SYNPR: variants seen among roughly 807,000 people sequenced by gnomAD.
SYNPR encodes synaptoporin.
Under a neutral mutation model 32.9 loss-of-function variants are expected in SYNPR, and 23 were observed. The observed-to-expected ratio is 0.70, with a 90% CI of 0.50 to 0.99. The LOEUF (loss-of-function observed/expected upper bound fraction) is 0.99, where lower values mean the gene tolerates loss of function less well. SYNPR is among the 50% of genes least tolerant of loss of function. The pLI is 0.00. For missense variants in SYNPR, 318 were observed against 349.3 expected, an observed-to-expected ratio of 0.91 and a Z score of 0.71; for synonymous variants, 146 against 135.9, an observed-to-expected ratio of 1.07 and a Z score of -0.52.
At chr3:63,313,644 C>T (rs113942571) in intron 2 of SYNPR, among the ~76,000 whole-genome samples, 29,350 of 88,792 alleles carry the variant, frequency 0.33, 7,057 homozygotes, top group Middle Eastern at 0.42. Context: ...TGAAATACTA[C>T]GCAGCCATAA....
chr3:63,607,564 A>G (rs1174945714), intron 4 of SYNPR, among the ~76,000 whole-genome samples: 1 of 152,246 alleles, frequency 6.6e-6, no homozygotes, highest in Non-Finnish European at 1.5e-5. Context: ...AGTAAAAAGA[A>G]GAAAGGGAAT....
intron 2 of SYNPR, among the ~76,000 whole-genome samples, chr3:63,258,181 G>A (rs1017331184): frequency 1.3e-5 from 2 of 152,100 alleles, no homozygotes; most frequent in Admixed American, 1.3e-4. Flanking sequence ...AAGTTAACAA[G>A]GATATCCAGG....
At chr3:63,373,388 T>C (rs2087844759) in intron 2 of SYNPR, among the ~76,000 whole-genome samples, 1 of 152,110 alleles carries the variant, frequency 6.6e-6, no homozygotes, top group Non-Finnish European at 1.5e-5. Context: ...AGAACCAAAC[T>C]GATCTGATAC....
At position 63,404,724 on chromosome 3, in the gene SYNPR, TTTG is replaced by T. The variant is rs1185395516; in HGVS notation, c.85-76105_85-76103del. Among the ~76,000 whole-genome samples the T allele has an allele frequency of 5.3e-5, 8 of 152,312 alleles. 1 individual carries two copies. The highest frequency in any genetic ancestry group is 1.9e-4 in the East Asian group (1 of 5,196). On this transcript the variant is annotated intron_variant, in intron 2 of 5. Coordinates refer to ENST00000478300, the MANE Select transcript of SYNPR (RefSeq NM_001130003.2). ...AAAATCATAATTCATAGGATTAATA[TTTG>T]TTATTTGTTAAATATTTATCCTATT...
At chr3:63,371,467 C>T (rs866131561) in intron 2 of SYNPR, among the ~76,000 whole-genome samples, 43 of 152,354 alleles carry the variant, frequency 2.8e-4, no homozygotes, top group African/African-American at 9.9e-4. Flanking sequence ...AGGATAAGGC[C>T]CACTGGCCTG....
At chr3:63,422,077 G>A (rs1699810296) in intron 2 of SYNPR, among the ~76,000 whole-genome samples, 1 of 152,194 alleles carries the variant, frequency 6.6e-6, no homozygotes, top group Non-Finnish European at 1.5e-5. Context: ...TAATCAGTGA[G>A]TGTTGTATCA....
intron 2 of SYNPR, among the ~76,000 whole-genome samples, chr3:63,316,360 G>A (rs1464889958): frequency 1.3e-5 from 2 of 151,750 alleles, no homozygotes; most frequent in Non-Finnish European, 2.9e-5. Flanking sequence ...AATCCATCTG[G>A]TCCTGGACTT....
intron 3 of SYNPR, among the ~76,000 whole-genome samples, chr3:63,534,217 CAGA>C (rs1702161944): frequency 6.6e-6 from 1 of 152,050 alleles, no homozygotes; most frequent in South Asian, 2.1e-4. Context: ...AAATAAATCC[CAGA>C]AGAAGTCATC....
intron 2 of SYNPR, among the ~76,000 whole-genome samples, chr3:63,473,983 G>C (rs140357153): frequency 6.6e-6 from 1 of 152,156 alleles, no homozygotes; most frequent in Non-Finnish European, 1.5e-5. Flanking sequence ...ATTCTGAGAC[G>C]AGAATTTTGG....
intron 3 of SYNPR, among the ~76,000 whole-genome samples, chr3:63,491,985 G>C (rs1439700857): frequency 6.6e-6 from 1 of 152,116 alleles, no homozygotes; most frequent in Non-Finnish European, 1.5e-5. Context: ...AAGTGGTCTT[G>C]TTAGAGCCCA....
chr3:63,549,299 G>C (rs1443048500), intron 3 of SYNPR, among the ~76,000 whole-genome samples: 1 of 152,226 alleles, frequency 6.6e-6, no homozygotes, highest in Non-Finnish European at 1.5e-5. Context: ...TCTACCGTTA[G>C]ATGAGATGGC....
At chr3:63,490,309 A>G (rs991877930) in intron 3 of SYNPR, among the ~76,000 whole-genome samples, 1 of 152,118 alleles carries the variant, frequency 6.6e-6, no homozygotes, top group Non-Finnish European at 1.5e-5. Context: ...AAAAGGAGGC[A>G]GAGGCTGGAT....
intron 2 of SYNPR, among the ~76,000 whole-genome samples, chr3:63,380,760 A>G (rs1022310945): frequency 6.6e-6 from 1 of 152,216 alleles, no homozygotes; most frequent in Non-Finnish European, 1.5e-5. Context: ...ATGCAAATCA[A>G]TAAACGTAAT....
At chr3:63,479,866 T>C (rs1701011813) in intron 2 of SYNPR, among the ~76,000 whole-genome samples, 2 of 152,194 alleles carry the variant, frequency 1.3e-5, no homozygotes, top group South Asian at 4.1e-4. Flanking sequence ...CAATAACTCC[T>C]CTCACTATGC....
At chr3:63,337,505 T>G (rs539760519) in intron 2 of SYNPR, among the ~76,000 whole-genome samples, 1 of 152,220 alleles carries the variant, frequency 6.6e-6, no homozygotes, top group South Asian at 2.1e-4. Context: ...GAGCAATACT[T>G]CTAGATATTT....
At chr3:63,253,103 T>C (rs1376354999) in intron 2 of SYNPR, among the ~76,000 whole-genome samples, 10 of 150,720 alleles carry the variant, frequency 6.6e-5, no homozygotes. Context: ...CCACTGAAAA[T>C]ATTTGGCAAG....
intron 2 of SYNPR, among the ~76,000 whole-genome samples, chr3:63,318,215 C>G (rs1326291668): frequency 6.6e-6 from 1 of 151,974 alleles, no homozygotes; most frequent in African/African-American, 2.4e-5. Flanking sequence ...CTTTGGATAA[C>G]CTGATGACAA....
At position 63,615,463 on chromosome 3, in the gene SYNPR, C is replaced by T. The variant is rs1451301298; in HGVS notation, c.840C>T (p.Ser280=). ...EFGQQPTGPT[S]FTNQI ...GCCAACAGCCTACTGGCCCCACTTC[C>T]TTTACCAATCAGATTTAACAGAGTA... is the stretch of plus-strand genomic sequence containing the variant. Residue 280 remains serine, a synonymous_variant, in exon 6 of 6, where the codon TCC becomes TCT. Transcript: ENST00000478300. 1 of 1,613,958 alleles carries T rather than the reference C, an allele frequency of 6.2e-7. No homozygotes were observed. The highest frequency in any genetic ancestry group is 1.7e-5 in the Admixed American group (1 of 60,010).
At chr3:63,425,070 A>C (rs1415141964) in intron 2 of SYNPR, among the ~76,000 whole-genome samples, 1 of 152,174 alleles carries the variant, frequency 6.6e-6, no homozygotes, top group East Asian at 1.9e-4. Flanking sequence ...ACCTCTCTCC[A>C]TTTTATCTTT....
Sources: allele counts gnomAD v4.1 joint callset (sites outside exome capture counted in the v4.1 genomes callset), GRCh38; gene constraint gnomAD v4.1.1; transcripts MANE v1.5; gene names NCBI Gene and HGNC (gene_info 2026-07-23, HGNC 2026-07-21).